The following HERC3 variants were observed in gnomAD, a reference collection of about 807,000 sequenced individuals.
HERC3 encodes the protein probable E3 ubiquitin-protein ligase HERC3.
HERC3 carries 58 observed loss-of-function variants against 129.9 expected under a neutral mutation model. That is an observed-to-expected ratio of 0.45 (90% CI 0.36 to 0.56). The LOEUF (loss-of-function observed/expected upper bound fraction) is 0.56, where lower values mean the gene tolerates loss of function less well. Ranked by LOEUF, HERC3 falls within the 20% of genes least tolerant of loss-of-function variation. The probability of loss-of-function intolerance (pLI) is 0.00; values close to 1 mark genes in which losing one functional copy is unlikely to be tolerated. For missense variants in HERC3, 835 were observed against 1,244.2 expected, an observed-to-expected ratio of 0.67 and a Z score of 4.95; for synonymous variants, 430 against 451.0, an observed-to-expected ratio of 0.95 and a Z score of 0.59.
At chr4:88,598,082 A>G (rs1249170522) in intron 2 of HERC3, 1 of 152,202 alleles carries the variant, frequency 6.6e-6, no homozygotes, top group Non-Finnish European at 1.5e-5. Context: ...TATATACAAC[A>G]TTCAGGTAAT....
At chr4:88,605,473 G>A (rs1723525363) in intron 2 of HERC3, among the ~76,000 whole-genome samples, 2 of 152,146 alleles carry the variant, frequency 1.3e-5, no homozygotes, top group African/African-American at 4.8e-5. Context: ...TAACTTAATG[G>A]TTTGCCAAGA....
At chr4:88,535,667 A>C in the HERC3 span, among the ~76,000 whole-genome samples, 4 of 152,270 alleles carry the variant, frequency 2.6e-5, no homozygotes, top group Admixed American at 2.0e-4. Flanking sequence ...GGACAGGAGC[A>C]AGTGTGTCAG....
At chr4:88,657,126 A>G (rs1729989990) in intron 9 of HERC3, 1 of 152,184 alleles carries the variant, frequency 6.6e-6, no homozygotes, top group Non-Finnish European at 1.5e-5. Flanking sequence ...GGAGCTAGAG[A>G]ATCATTAAAA....
chr4:88,687,741 A>G (rs1733633747), intron 23 of HERC3, among the ~76,000 whole-genome samples: 1 of 152,244 alleles, frequency 6.6e-6, no homozygotes, highest in East Asian at 1.9e-4. Flanking sequence ...CTCAAAAAAT[A>G]TGTGTTGAAG....
upstream of HERC3, among the ~76,000 whole-genome samples, chr4:88,590,467 G>C (rs1312517830): frequency 6.6e-6 from 1 of 152,142 alleles, no homozygotes; most frequent in African/African-American, 2.4e-5. Flanking sequence ...GCTGCGACAG[G>C]AGACTTGCGT....
In HERC3 at chr4:88,687,221, G is replaced by T; in HGVS notation, c.2579G>T (p.Cys860Phe). The T allele has an allele frequency of 6.2e-7, 1 of 1,609,208 alleles. No individual in the cohort carries two copies. Among genetic ancestry groups the T allele is most frequent in the African/African-American group, 1.3e-5 (1 of 74,838 alleles). Residue 860 changes from cysteine (C) to phenylalanine (F), a missense_variant, in exon 23 of 26, where the codon TGC (cysteine) becomes TTC (phenylalanine). Transcript: ENST00000402738. ...TTTTTTCCACCTTAAATATAGATCT[G>T]CCGAGAAAGCTATGGAGTGATTGAA... ...EETFCLNFTI[C>F]RESYGVIEQK...
rs147397290 is a variant in HERC3, at chr4:88,702,882, T to C, written c.2658-1216T>C. ...ACTTGTGAGAGACTGAATATTCCTA[T>C]GGACAATGGCCAGGCCATATATAAA... On this transcript the variant is annotated intron_variant, in intron 23 of 25. Coordinates refer to ENST00000402738, the MANE Select transcript of HERC3 (RefSeq NM_014606.3). Among the ~76,000 whole-genome samples the C allele has an allele frequency of 7.2e-4, 109 of 152,282 alleles. No individual in the cohort carries two copies. The East Asian group carries it at 0.02, about 29-fold the overall frequency.
In HERC3 at chr4:88,667,375, A is replaced by T; in HGVS notation, c.1332-2A>T. On this transcript the variant is annotated splice_acceptor_variant, in intron 12 of 25. Coordinates refer to ENST00000402738, the MANE Select transcript of HERC3 (RefSeq NM_014606.3). LOFTEE classifies it high-confidence loss of function. Reference sequence around the variant, plus strand: ...TATACCTTTTTGATTTTGTTTGTTTAGAATTGATGAACATTTTAAAACGAG... The same window carrying T: ...TATACCTTTTTGATTTTGTTTGTTTTGAATTGATGAACATTTTAAAACGAG... The T allele has an allele frequency of 6.5e-7, 1 of 1,544,054 alleles. No homozygotes were observed. The highest frequency in any genetic ancestry group is 8.9e-7 in the Non-Finnish European group (1 of 1,127,198).
At chr4:88,618,843 T>C (rs533564328) in intron 3 of HERC3, among the ~76,000 whole-genome samples, 3 of 152,348 alleles carry the variant, frequency 2.0e-5, no homozygotes, top group South Asian at 4.1e-4. Context: ...GATTTAGATA[T>C]TTTGGGTCAG....
intron 19 of HERC3, 100 bp from the exon 20 acceptor site, chr4:88,679,993 T>G: frequency 9.7e-7 from 1 of 1,026,972 alleles, no homozygotes; most frequent in Non-Finnish European, 1.4e-6. Flanking sequence ...TTTGTTATGC[T>G]TTCCTTCCTT....
At chr4:88,531,028 TTGTATTTTTAA>T in the HERC3 span, among the ~76,000 whole-genome samples, 2 of 151,908 alleles carry the variant, frequency 1.3e-5, no homozygotes, top group Non-Finnish European at 2.9e-5. Context: ...GCTAATTTTT[TTGTATTTTTAA>T]TGGAGATGGG....
At chr4:88,593,289 C>T in intron 1 of HERC3, 1 of 152,666 alleles carries the variant, frequency 6.6e-6, no homozygotes, top group Non-Finnish European at 1.5e-5. Context: ...GCCGACACGT[C>T]GGTGCGGACC....
At chr4:88,702,800 A>G (rs1735436344) in intron 23 of HERC3, among the ~76,000 whole-genome samples, 1 of 152,188 alleles carries the variant, frequency 6.6e-6, no homozygotes, top group South Asian at 2.1e-4. Flanking sequence ...ACTTATCTAG[A>G]TATTGACAGA....
At chr4:88,687,134 A>G (rs1733563389) in intron 22 of HERC3, 83 bp from the exon 23 acceptor site, 1 of 1,017,514 alleles carries the variant, frequency 9.8e-7, no homozygotes, top group East Asian at 2.5e-5. Context: ...ATTTGTTCCT[A>G]AAGCCTCTCT....
rs1488593603 is a variant in HERC3, at chr4:88,670,151, G to A, written c.1810G>A (p.Val604Met). Reference sequence around the variant, plus strand: ...TGTTCTTCATTAGGTAAATCTTAAAGTGAAGCATGTGGAATATGATACATT... The same window carrying A: ...TGTTCTTCATTAGGTAAATCTTAAAATGAAGCATGTGGAATATGATACATT... The part of the protein sequence containing the change: ...LEKLYKVNLK[V>M]KHVEYDTFYI... The change falls in exon 16 of 26, where the codon GTG (valine) becomes ATG (methionine). Residue 604 changes from valine (V) to methionine (M), a missense_variant. Coordinates refer to ENST00000402738, the MANE Select transcript of HERC3 (RefSeq NM_014606.3). 1.2e-6 allele frequency: 2 copies of A among 1,612,400 alleles called. No individual in the cohort carries two copies. Among genetic ancestry groups the A allele is most frequent in the Non-Finnish European group, 1.7e-6 (2 of 1,178,732 alleles).
intron 2 of HERC3, among the ~76,000 whole-genome samples, chr4:88,603,851 A>G (rs895060141): frequency 1.3e-5 from 2 of 152,206 alleles, no homozygotes; most frequent in Non-Finnish European, 2.9e-5. Context: ...GTTGTAGAAA[A>G]AATACTTTTG....
At chr4:88,531,608 T>G in the HERC3 span, among the ~76,000 whole-genome samples, 1 of 152,340 alleles carries the variant, frequency 6.6e-6, no homozygotes, top group Non-Finnish European at 1.5e-5. Context: ...GATGAGCTGT[T>G]GCTCTCTCAA....
chr4:88,706,821 C>T lies in HERC3; in HGVS notation c.3014C>T (p.Thr1005Ile), dbSNP rs1735823866. The T allele has an allele frequency of 6.2e-7, 1 of 1,614,056 alleles. No homozygotes were observed. Among genetic ancestry groups the T allele is most frequent in the Non-Finnish European group, 8.5e-7 (1 of 1,180,032 alleles). The change falls in exon 26 of 26, where the codon ACA becomes ATA. Residue 1005 changes from threonine (T) to isoleucine (I), a missense_variant. Coordinates refer to ENST00000402738, the MANE Select transcript of HERC3 (RefSeq NM_014606.3). ...MASLQIVIQS[T>I]ASGEEYLPVA... is the part of the protein sequence containing the mutation. ...AGTCTGCAGATTGTCATCCAGTCCA[C>T]AGCCAGCGGGGAGGAGTACTTGCCG...
At chr4:88,527,544 A>G in the HERC3 span, 1 of 185,626 alleles carries the variant, frequency 5.4e-6, no homozygotes, top group Non-Finnish European at 1.1e-5. Context: ...TACAGGCGTG[A>G]GCTACCACGC....
Sources: gnomAD v4.1 joint callset for allele counts (sites outside exome capture counted in the v4.1 genomes callset) on GRCh38, gnomAD v4.1.1 for gene constraint, MANE v1.5 for transcripts, NCBI Gene and HGNC (gene_info 2026-07-23, HGNC 2026-07-21) for gene names.